Variants in AGBL4 observed in about 807,000 individuals in gnomAD.
AGBL4 encodes cytosolic carboxypeptidase 6.
A neutral mutation model predicts 66.4 loss-of-function variants in AGBL4; 58 were observed. The observed-to-expected ratio is 0.87, with a 90% CI of 0.71 to 1.09. AGBL4 has a LOEUF of 1.09. Ranked by LOEUF, AGBL4 falls within the 50% of genes least tolerant of loss-of-function variation. The pLI is 0.00. For missense variants in AGBL4, 579 were observed against 631.0 expected (o/e 0.92, Z 0.88); for synonymous variants, 234 against 222.9 (o/e 1.05, Z -0.44).
intron 11 of AGBL4, among the ~76,000 whole-genome samples, chr1:48,566,948 G>A (rs1384137229): frequency 1.3e-5 from 2 of 152,146 alleles, no homozygotes; most frequent in Non-Finnish European, 2.9e-5. Flanking sequence ...GAGCAACATG[G>A]AGATAAACTG....
In AGBL4 at chr1:49,568,524, A is replaced by ACACAC. The variant is rs750607745; in HGVS notation, c.282+128788_282+128789insGTGTG. Reference sequence around the variant, plus strand: ...ACACACACACACACACACACACACAAATGCCATGCTCATGGAAAGGAAGAA... The same window carrying ACACAC: ...ACACACACACACACACACACACACAACACACATGCCATGCTCATGGAAAGGAAGAA... On this transcript the variant is annotated intron_variant, in intron 3 of 13. Coordinates refer to ENST00000371839, the MANE Select transcript of AGBL4 (RefSeq NM_032785.4). Among the ~76,000 whole-genome samples the ACACAC allele has an allele frequency of 8.8e-3, 441 of 49,928 alleles. 1 individual carries two copies. The highest frequency in any genetic ancestry group is 0.017 in the Middle Eastern group (1 of 58). 32.8% of individuals were successfully genotyped at this position (49,928 alleles called of 152,430 possible).
rs114344350 is a variant in AGBL4, at chr1:49,898,621, C to G, written c.35-47103G>C. Among the ~76,000 whole-genome samples the G allele has an allele frequency of 2.3e-3, 346 of 151,930 alleles. 3 individuals are homozygous for G. Among genetic ancestry groups the G allele is most frequent in the Non-Finnish European group, 3.9e-3 (264 of 67,926 alleles). On this transcript the variant is annotated intron_variant, in intron 1 of 13. Transcript: ENST00000371839. ...CAACAATCCCACTGCTAGGCATATA[C>G]GCAAAGGAAAAAAAATCAGTATATC...
At chr1:49,239,163 A>T (rs747183912) in intron 4 of AGBL4, among the ~76,000 whole-genome samples, 10 of 150,892 alleles carry the variant, frequency 6.6e-5, no homozygotes, top group East Asian at 3.8e-4. Context: ...AAATTGAAAT[A>T]AAAAAAAACA....
At chr1:49,793,218 A>G in intron 2 of AGBL4, among the ~76,000 whole-genome samples, 1 of 152,024 alleles carries the variant, frequency 6.6e-6, no homozygotes. Context: ...CCAGACCTCC[A>G]AACAGTATCT....
At chr1:49,765,834 A>C (rs996032838) in intron 2 of AGBL4, among the ~76,000 whole-genome samples, 1 of 152,122 alleles carries the variant, frequency 6.6e-6, no homozygotes, top group Non-Finnish European at 1.5e-5. Context: ...CAAGCAGAAG[A>C]AAGAATTTCA....
intron 6 of AGBL4, among the ~76,000 whole-genome samples, chr1:48,774,322 G>C (rs899572911): frequency 3.3e-5 from 5 of 152,214 alleles, no homozygotes; most frequent in Non-Finnish European, 7.3e-5. Context: ...CCAAGTTTAA[G>C]TCAGGAAGGG....
intron 1 of AGBL4, among the ~76,000 whole-genome samples, chr1:49,891,155 C>T (rs1648605728): frequency 6.6e-6 from 1 of 152,042 alleles, no homozygotes; most frequent in South Asian, 2.1e-4. Flanking sequence ...TGTAAAGATG[C>T]TGAAGAAGAA....
intron 11 of AGBL4, among the ~76,000 whole-genome samples, chr1:48,560,475 C>T (rs1644380860): frequency 6.6e-6 from 1 of 152,192 alleles, no homozygotes; most frequent in South Asian, 2.1e-4. Flanking sequence ...TCAGGTTGGA[C>T]ACAAATGCCC....
chr1:48,829,329 C>T (rs1646498457), intron 6 of AGBL4, among the ~76,000 whole-genome samples: 1 of 152,182 alleles, frequency 6.6e-6, no homozygotes, highest in Non-Finnish European at 1.5e-5. Context: ...AGAGTTACAG[C>T]CTATGCCGTT....
chr1:48,986,466 A>G (rs1002719029), intron 5 of AGBL4, among the ~76,000 whole-genome samples: 3 of 152,088 alleles, frequency 2.0e-5, no homozygotes, highest in East Asian at 1.9e-4. Context: ...AGATGAAAAC[A>G]GACTTCTCTT....
At chr1:49,093,756 G>A (rs984421) in intron 4 of AGBL4, among the ~76,000 whole-genome samples, 4 of 152,066 alleles carry the variant, frequency 2.6e-5, no homozygotes, top group African/African-American at 9.7e-5. Flanking sequence ...CCAAAACCTA[G>A]GTTCTTTAAC....
chr1:48,701,621 T>C (rs988492632), intron 6 of AGBL4, among the ~76,000 whole-genome samples: 2 of 152,154 alleles, frequency 1.3e-5, no homozygotes, highest in African/African-American at 4.8e-5. Flanking sequence ...GTTTTTAGCA[T>C]CAAGTTAGAT....
chr1:49,901,861 A>G (rs1186034111), intron 1 of AGBL4, among the ~76,000 whole-genome samples: 1 of 152,204 alleles, frequency 6.6e-6, no homozygotes, highest in African/African-American at 2.4e-5. Context: ...AAGGAACAGA[A>G]TACAGAACCC....
chr1:49,068,410 G>A (rs193180013), intron 4 of AGBL4, among the ~76,000 whole-genome samples: 300 of 146,628 alleles, frequency 2.0e-3, no homozygotes, highest in African/African-American at 7.0e-3. Context: ...GCCCCAGTGT[G>A]TGATGTTCCC....
intron 4 of AGBL4, among the ~76,000 whole-genome samples, chr1:49,109,096 A>G (rs1645355357): frequency 6.6e-6 from 1 of 152,214 alleles, no homozygotes; most frequent in African/African-American, 2.4e-5. Flanking sequence ...CTAAAGCCCT[A>G]TAACCTTAAG....
At chr1:49,548,890 G>A (rs1159192649) in intron 3 of AGBL4, among the ~76,000 whole-genome samples, 1 of 152,064 alleles carries the variant, frequency 6.6e-6, no homozygotes, top group East Asian at 1.9e-4. Context: ...GAATTCTGCT[G>A]TAAATCCGTC....
chr1:49,243,237 G>A (rs1202248321), intron 4 of AGBL4, among the ~76,000 whole-genome samples: 1 of 151,614 alleles, frequency 6.6e-6, no homozygotes, highest in Admixed American at 6.6e-5. Flanking sequence ...TGCTTGCCTT[G>A]GTATTGGGAA....
intron 2 of AGBL4, among the ~76,000 whole-genome samples, chr1:49,777,116 G>A (rs970348314): frequency 5.9e-5 from 9 of 152,128 alleles, no homozygotes; most frequent in African/African-American, 2.2e-4. Flanking sequence ...AGAGATTGTA[G>A]GGTGAAAGCT....
At chr1:49,335,159 C>T (rs1345212173) in intron 3 of AGBL4, among the ~76,000 whole-genome samples, 2 of 152,210 alleles carry the variant, frequency 1.3e-5, no homozygotes, top group African/African-American at 4.8e-5. Context: ...CAGCCTTCTC[C>T]ATTTCAGTAA....
Sources: gnomAD v4.1 joint callset for allele counts (sites outside exome capture counted in the v4.1 genomes callset) on GRCh38, gnomAD v4.1.1 for gene constraint, MANE v1.5 for transcripts, NCBI Gene and HGNC (gene_info 2026-07-23, HGNC 2026-07-21) for gene names.